Variants in MTR observed in about 807,000 individuals in gnomAD.
The protein encoded by MTR is methionine synthase.
Under a neutral mutation model 154.8 loss-of-function variants are expected in MTR, and 84 were observed. The observed-to-expected ratio is 0.54, with a 90% CI of 0.45 to 0.65. The LOEUF (loss-of-function observed/expected upper bound fraction) is 0.65. MTR is among the 30% of genes least tolerant of loss of function. The probability of loss-of-function intolerance (pLI) is 0.00; values close to 1 mark genes in which losing one functional copy is unlikely to be tolerated. For missense variants in MTR, 1,275 were observed against 1,570.2 expected (o/e 0.81, Z 3.18); for synonymous variants, 554 against 553.9 (o/e 1.00, Z 0.00).
chr1:236,874,816 CA>C lies in MTR; in HGVS notation c.2565del (p.Leu856CysfsTer2). On this transcript the variant is annotated frameshift_variant, in exon 24 of 33. Transcript: ENST00000366577. LOFTEE classifies it high-confidence loss of function. ...KEMERLAIRI[P>X]LLIGGATTSK... ...ATGGAGAGATTAGCTATAAGGATTC[CA>C]TTGTTGATTGGAGGAGCAACCACTT... 6.2e-7 allele frequency: 1 copy of C among 1,613,540 alleles called. No individual in the cohort carries two copies. The highest frequency in any genetic ancestry group is 8.5e-7 in the Non-Finnish European group (1 of 1,179,844).
chr1:236,836,199 T>C (rs1454323590), intron 14 of MTR, among the ~76,000 whole-genome samples: 1 of 152,162 alleles, frequency 6.6e-6, no homozygotes, highest in Non-Finnish European at 1.5e-5. Context: ...TTAAATGAGT[T>C]CTAAAATTAA....
rs1196567756 is a variant in MTR at position 236,850,536 on chromosome 1, A to T, written c.1695+13A>T. The T allele has an allele frequency of 6.2e-7, 1 of 1,612,424 alleles. No individual in the cohort carries two copies. Among genetic ancestry groups the T allele is most frequent in the East Asian group, 2.2e-5 (1 of 44,816 alleles). ...AAAAGTCATTAAAGTAAGTGTAGGCATGTTCTCTCCCAAGTCATGGCTCAA... is the reference window on the plus strand; with the variant it reads ...AAAAGTCATTAAAGTAAGTGTAGGCTTGTTCTCTCCCAAGTCATGGCTCAA... On this transcript the variant is annotated intron_variant, in intron 16 of 32. Coordinates refer to ENST00000366577, the MANE Select transcript of MTR (RefSeq NM_000254.3).
chr1:236,822,565 C>T (rs1413481822), intron 8 of MTR, among the ~76,000 whole-genome samples: 2 of 152,070 alleles, frequency 1.3e-5, no homozygotes. Context: ...CTGCCTTGGC[C>T]TCCCAAAATG....
intron 15 of MTR, among the ~76,000 whole-genome samples, chr1:236,848,379 T>C (rs1663709840): frequency 1.3e-5 from 2 of 152,158 alleles, no homozygotes; most frequent in Admixed American, 1.3e-4. Context: ...TACTCAGTAA[T>C]ACTAGTAGCA....
chr1:236,863,686 T>C, intron 22 of MTR, 132 bp downstream of exon 22: 1 of 818,512 alleles, frequency 1.2e-6, no homozygotes, highest in South Asian at 1.5e-5. Context: ...TTATTTCTTT[T>C]TGCTTGCTGT....
chr1:236,806,283 G>A, intron 3 of MTR, 50 bp downstream of exon 3: 1 of 1,448,540 alleles, frequency 6.9e-7, no homozygotes, highest in Non-Finnish European at 9.7e-7. Flanking sequence ...AGCGTTTGCT[G>A]CATTGGTAGT....
At chr1:236,825,574 C>T (rs1662242707) in intron 10 of MTR, among the ~76,000 whole-genome samples, 175 bp downstream of exon 10, 1 of 152,196 alleles carries the variant, frequency 6.6e-6, no homozygotes, top group African/African-American at 2.4e-5. Context: ...TAACTGTCAG[C>T]ATCCTTATCC....
At chr1:236,797,894 G>A (rs1008867142) in intron 1 of MTR, among the ~76,000 whole-genome samples, 5 of 150,478 alleles carry the variant, frequency 3.3e-5, no homozygotes, top group African/African-American at 1.2e-4. Flanking sequence ...GGAGGCTGAG[G>A]TTGCAGTGAG....
At chr1:236,876,868 T>C (rs1665464448) in intron 24 of MTR, among the ~76,000 whole-genome samples, 2 of 152,200 alleles carry the variant, frequency 1.3e-5, no homozygotes, top group African/African-American at 4.8e-5. Flanking sequence ...CTGCGAAATA[T>C]CTATTCTCAT....
At chr1:236,798,499 C>T (rs1047227352) in intron 1 of MTR, among the ~76,000 whole-genome samples, 28 of 152,066 alleles carry the variant, frequency 1.8e-4, no homozygotes, top group African/African-American at 6.5e-4. Context: ...GGAAAAAAAC[C>T]CCACAAAATA....
In MTR at chr1:236,861,103, T is replaced by C. The variant is rs189486987; in HGVS notation, c.2044-22T>C. ...TTTTTCTTTCTTTCTTTTTCTTTTT[T>C]TTTTTTTTTTGTCTTTTTTAGGGCA... On this transcript the variant is annotated intron_variant, in intron 19 of 32. Coordinates refer to ENST00000366577, the MANE Select transcript of MTR (RefSeq NM_000254.3). 7.9e-5 allele frequency: 119 copies of C among 1,500,002 alleles called. 1 individual carries two copies. The East Asian group carries it at 8.4e-4, about 11-fold the overall frequency. 92.9% of individuals were successfully genotyped at this position (1,500,002 alleles called of 1,614,324 possible).
intron 27 of MTR, among the ~76,000 whole-genome samples, chr1:236,888,280 C>T (rs1474129077): frequency 6.6e-6 from 1 of 152,186 alleles, no homozygotes; most frequent in African/African-American, 2.4e-5. Context: ...CAGCCTAATC[C>T]TGCCATGTCA....
rs542105613 is a variant in MTR at position 236,858,453 on chromosome 1, A to G, written c.1954-1380A>G. 8.0e-4 allele frequency among the ~76,000 whole-genome samples: 122 copies of G among 152,318 alleles called. No individual in the cohort carries two copies. In the South Asian group the frequency reaches 0.012, roughly 15 times the overall value. ...TTCAAGATGAGATTTGGGTGGGGTC[A>G]CAGCCAAACCATCTCATCAGGGCAT... On this transcript the variant is annotated intron_variant, in intron 18 of 32. Coordinates refer to ENST00000366577, the MANE Select transcript of MTR (RefSeq NM_000254.3).
Position 236,831,993 on chromosome 1 carries a change from A to C in MTR, c.1103A>C (p.Tyr368Ser). 6.2e-7 allele frequency: 1 copy of C among 1,614,158 alleles called. No individual in the cohort carries two copies. Among genetic ancestry groups the C allele is most frequent in the Non-Finnish European group, 8.5e-7 (1 of 1,179,980 alleles). The change falls in exon 13 of 33, where the codon TAC becomes TCC. Residue 368 changes from tyrosine to serine, a missense_variant. Coordinates refer to ENST00000366577, the MANE Select transcript of MTR (RefSeq NM_000254.3). Reference protein sequence around the residue: ...SGLEPFRIGPYTNFVNIGERC... With the variant: ...SGLEPFRIGPSTNFVNIGERC... ...CTAGAGCCCTTCAGGATTGGACCGT[A>C]CACCAACTTTGTTAACATTGGAGAG...
chr1:236,815,759 G>A, intron 7 of MTR, 96 bp downstream of exon 7: 1 of 1,221,546 alleles, frequency 8.2e-7, no homozygotes, highest in South Asian at 1.2e-5. Flanking sequence ...ACTATTAATG[G>A]TATCTTTAGA....
chr1:236,856,896 G>T (rs1664243321), intron 18 of MTR, among the ~76,000 whole-genome samples: 1 of 152,162 alleles, frequency 6.6e-6, no homozygotes, highest in South Asian at 2.1e-4. Context: ...ATTCCATGGT[G>T]TATATGTGCC....
At chr1:236,859,340 C>T (rs912101566) in intron 18 of MTR, among the ~76,000 whole-genome samples, 1 of 152,242 alleles carries the variant, frequency 6.6e-6, no homozygotes, top group Admixed American at 6.5e-5. Context: ...AGGTTTCCAA[C>T]ACAACTTTTG....
chr1:236,895,875 C>T (rs988786073), intron 31 of MTR, among the ~76,000 whole-genome samples: 1 of 152,232 alleles, frequency 6.6e-6, no homozygotes, highest in Non-Finnish European at 1.5e-5. Context: ...TTTAATCCCT[C>T]CCTTAGAGAC....
At chr1:236,802,190 T>A (rs1295242726) in intron 1 of MTR, among the ~76,000 whole-genome samples, 3 of 152,190 alleles carry the variant, frequency 2.0e-5, no homozygotes, top group Non-Finnish European at 2.9e-5. Context: ...ATTTTATGGT[T>A]AGTCTTCTGG....
Sources: gnomAD v4.1 joint callset for allele counts (sites outside exome capture counted in the v4.1 genomes callset) on GRCh38, gnomAD v4.1.1 for gene constraint, MANE v1.5 for transcripts, NCBI Gene and HGNC (gene_info 2026-07-23, HGNC 2026-07-21) for gene names.